The following SEMA5A variants were observed in gnomAD, a reference collection of about 807,000 sequenced individuals.
SEMA5A encodes the protein semaphorin-5A.
SEMA5A carries 55 observed loss-of-function variants against 135.5 expected under a neutral mutation model. That is an observed-to-expected ratio of 0.41 (90% CI 0.33 to 0.51). The LOEUF (loss-of-function observed/expected upper bound fraction) is 0.51, where lower values mean the gene tolerates loss of function less well. Among genes scored for constraint, SEMA5A ranks in the 20% least tolerant of loss-of-function variants. SEMA5A has a pLI of 0.37. For missense variants in SEMA5A, 1,290 were observed against 1,419.9 expected (o/e 0.91, Z 1.47); for synonymous variants, 580 against 546.5 (o/e 1.06, Z -0.85).
At chr5:9,110,495 A>T (rs1451792110) in intron 15 of SEMA5A, among the ~76,000 whole-genome samples, 1 of 152,250 alleles carries the variant, frequency 6.6e-6, no homozygotes, top group Non-Finnish European at 1.5e-5. Context: ...GGAAAGAAGG[A>T]GAAGAAGTGG....
chr5:9,279,465 GAGATA>G (rs926265192), intron 5 of SEMA5A, among the ~76,000 whole-genome samples: 1 of 152,150 alleles, frequency 6.6e-6, no homozygotes, highest in Non-Finnish European at 1.5e-5. Flanking sequence ...ATGCTAGAAT[GAGATA>G]AGAGTATGGG....
chr5:9,076,224 G>T (rs920308511), intron 16 of SEMA5A, among the ~76,000 whole-genome samples: 1 of 116,482 alleles, frequency 8.6e-6, no homozygotes, highest in African/African-American at 3.3e-5. Flanking sequence ...AAAAAAAAAA[G>T]AAATTATCTT....
chr5:9,347,047 T>C (rs1366657939), intron 3 of SEMA5A, among the ~76,000 whole-genome samples: 1 of 152,050 alleles, frequency 6.6e-6, no homozygotes, highest in Non-Finnish European at 1.5e-5. Flanking sequence ...TTATAGAACT[T>C]TTAAAAAACA....
At chr5:9,214,456 A>G (rs111905217) in intron 8 of SEMA5A, among the ~76,000 whole-genome samples, 3 of 152,312 alleles carry the variant, frequency 2.0e-5, no homozygotes, top group African/African-American at 7.2e-5. Flanking sequence ...TGGTGTCATA[A>G]GAAATTGCAC....
intron 8 of SEMA5A, 146 bp from the exon 9 acceptor site, chr5:9,202,386 AGC>A: frequency 1.4e-6 from 1 of 690,942 alleles, no homozygotes; most frequent in Non-Finnish European, 2.3e-6. Context: ...CCCCGTGAGC[AGC>A]TTAATGATCT....
rs376474428 is a variant in SEMA5A, at chr5:9,314,977, C to T, written c.270+3395G>A. Among the ~76,000 whole-genome samples the T allele has an allele frequency of 4.6e-5, 7 of 152,222 alleles. No homozygotes were observed. The South Asian group carries it at 8.3e-4, about 18-fold the overall frequency. On this transcript the variant is annotated intron_variant, in intron 5 of 22. Coordinates refer to ENST00000382496, the MANE Select transcript of SEMA5A (RefSeq NM_003966.3). Reference sequence around the variant, plus strand: ...TATACTTCAGTAACAGCTCATCAATCCCATCAATAATTGCAACCTGATTTC... The same window carrying T: ...TATACTTCAGTAACAGCTCATCAATTCCATCAATAATTGCAACCTGATTTC...
At chr5:9,157,691 C>T (rs1053479860) in intron 11 of SEMA5A, among the ~76,000 whole-genome samples, 1 of 152,198 alleles carries the variant, frequency 6.6e-6, no homozygotes, top group African/African-American at 2.4e-5. Context: ...TGTGCTCTGG[C>T]AACGGCCACC....
intron 8 of SEMA5A, among the ~76,000 whole-genome samples, chr5:9,213,647 T>G (rs1229061652): frequency 2.0e-5 from 3 of 152,188 alleles, no homozygotes; most frequent in Non-Finnish European, 4.4e-5. Context: ...TAAAGTTTTA[T>G]TAGCACCCAG....
At position 9,232,596 on chromosome 5, in the gene SEMA5A, A is replaced by T. The variant is rs557628519; in HGVS notation, c.333+5232T>A. Among the ~76,000 whole-genome samples the T allele has an allele frequency of 5.3e-5, 8 of 152,352 alleles. No individual in the cohort carries two copies. The South Asian group carries it at 1.7e-3, about 32-fold the overall frequency. ...TGCAAATCACAGATGCAATATGTAG[A>T]GATAAACACTCATATACATATATTA... On this transcript the variant is annotated intron_variant, in intron 6 of 22. Coordinates refer to ENST00000382496, the MANE Select transcript of SEMA5A (RefSeq NM_003966.3).
rs369499679 is a variant in SEMA5A at position 9,533,442 on chromosome 5, TTAA to T, written c.-175+12139_-175+12141del. Reference sequence around the variant, plus strand: ...TAGTAAAAGATTGTAAATATAGAATTTAATGTCTTTTCTCCAAGTATGAACAGA... The same window carrying T: ...TAGTAAAAGATTGTAAATATAGAATTTGTCTTTTCTCCAAGTATGAACAGA... On this transcript the variant is annotated intron_variant, in intron 1 of 22. Coordinates refer to ENST00000382496, the MANE Select transcript of SEMA5A (RefSeq NM_003966.3). Among the ~76,000 whole-genome samples, 24 of 152,338 alleles carry T rather than the reference TTAA, an allele frequency of 1.6e-4. No homozygotes were observed. The South Asian group carries it at 2.9e-3, about 18-fold the overall frequency.
At chr5:9,480,735 C>A (rs746595249) in intron 1 of SEMA5A, among the ~76,000 whole-genome samples, 2 of 152,152 alleles carry the variant, frequency 1.3e-5, no homozygotes, top group Non-Finnish European at 2.9e-5. Context: ...CAGATCCATG[C>A]ACTGGGGGTG....
intron 16 of SEMA5A, among the ~76,000 whole-genome samples, chr5:9,093,415 A>G (rs1429590791): frequency 6.6e-6 from 1 of 152,234 alleles, no homozygotes; most frequent in Non-Finnish European, 1.5e-5. Context: ...CAGCAAGCTA[A>G]AAGAACTGAA....
intron 11 of SEMA5A, among the ~76,000 whole-genome samples, chr5:9,180,437 G>A (rs10058466): frequency 1.1e-3 from 161 of 152,216 alleles, no homozygotes; most frequent in African/African-American, 3.6e-3. Flanking sequence ...AGAAGCACAC[G>A]TAATGCAAGT....
intron 2 of SEMA5A, among the ~76,000 whole-genome samples, chr5:9,428,940 A>T (rs909673341): frequency 9.2e-5 from 14 of 152,232 alleles, no homozygotes; most frequent in Non-Finnish European, 1.3e-4. Flanking sequence ...GGGAAGACGG[A>T]TGCAATAATC....
At chr5:9,362,534 A>G (rs1457197983) in intron 3 of SEMA5A, among the ~76,000 whole-genome samples, 1 of 152,224 alleles carries the variant, frequency 6.6e-6, no homozygotes, top group Non-Finnish European at 1.5e-5. Context: ...TTTCATGCTG[A>G]TAAATATGAA....
intron 13 of SEMA5A, among the ~76,000 whole-genome samples, chr5:9,128,649 A>G (rs1388232175): frequency 6.6e-6 from 1 of 152,220 alleles, no homozygotes; most frequent in African/African-American, 2.4e-5. Flanking sequence ...ACCATTAGGC[A>G]TATACAGTCT....
intron 1 of SEMA5A, among the ~76,000 whole-genome samples, chr5:9,455,595 G>A (rs1208133842): frequency 6.6e-6 from 1 of 152,130 alleles, no homozygotes; most frequent in Non-Finnish European, 1.5e-5. Flanking sequence ...ATCAGGACTA[G>A]GAAGCAGTAT....
chr5:9,188,678 T>C (rs1368047643), intron 11 of SEMA5A, among the ~76,000 whole-genome samples: 1 of 129,744 alleles, frequency 7.7e-6, no homozygotes, highest in Admixed American at 8.1e-5. Context: ...GGAACTCTTA[T>C]GGAAGGGTCC....
At chr5:9,340,114 T>G (rs1753577928) in intron 3 of SEMA5A, among the ~76,000 whole-genome samples, 1 of 152,172 alleles carries the variant, frequency 6.6e-6, no homozygotes, top group African/African-American at 2.4e-5. Context: ...GGTGAAAAAT[T>G]TCCAATGGTA....
Sources: allele counts gnomAD v4.1 joint callset (sites outside exome capture counted in the v4.1 genomes callset), GRCh38; gene constraint gnomAD v4.1.1; transcripts MANE v1.5; gene names NCBI Gene and HGNC (gene_info 2026-07-23, HGNC 2026-07-21).